IGF2BP3: variants seen among roughly 807,000 people sequenced by gnomAD.
IGF2BP3 encodes insulin like growth factor 2 mRNA binding protein 3.
Under a neutral mutation model 73.8 loss-of-function variants are expected in IGF2BP3, and 9 were observed. The ratio of observed to expected loss-of-function variants is 0.12; its 90% confidence interval spans 0.07 to 0.21. The LOEUF is 0.21. IGF2BP3 is among the 10% of genes least tolerant of loss of function. The pLI, the probability that IGF2BP3 is intolerant of heterozygous loss-of-function variation, is 1.00. For synonymous variants in IGF2BP3, 258 were observed against 256.7 expected (o/e 1.01, Z -0.05); for missense variants, 542 against 714.0 (o/e 0.76, Z 2.75).
chr7:23,402,261 A>G (rs1247197347), intron 3 of IGF2BP3: 1 of 152,214 alleles, frequency 6.6e-6, no homozygotes, highest in Non-Finnish European at 1.5e-5. Flanking sequence ...GTGATCAGCA[A>G]AAGTAACATA....
Position 23,312,383 on chromosome 7 carries a change from T to C in IGF2BP3, c.1719A>G (p.Pro573=). The C allele has an allele frequency of 5.0e-6, 8 of 1,612,804 alleles. No individual in the cohort carries two copies. Among genetic ancestry groups the C allele is most frequent in the Non-Finnish European group, 6.8e-6 (8 of 1,179,726 alleles). Residue 573 remains proline (P), a synonymous_variant, in exon 15 of 15, where the codon CCA becomes CCG. Coordinates refer to ENST00000258729, the MANE Select transcript of IGF2BP3 (RefSeq NM_006547.3). The part of the protein sequence containing the change: ...HQQQKALQSG[P]PQSRRK ...GCCTTTACTTCCGTCTTGACTGAGG[T>C]GGTCCACTTTGCAGAGCCTTCTGTT... is the stretch of plus-strand genomic sequence containing the variant.
intron 6 of IGF2BP3, among the ~76,000 whole-genome samples, chr7:23,351,071 T>A (rs1463407292): frequency 6.6e-6 from 1 of 152,152 alleles, no homozygotes; most frequent in Non-Finnish European, 1.5e-5. Flanking sequence ...TTAGGTATCA[T>A]TTGTTTTCCA....
chr7:23,321,761 G>C (rs1221333579), intron 10 of IGF2BP3, among the ~76,000 whole-genome samples: 1 of 152,174 alleles, frequency 6.6e-6, no homozygotes, highest in Non-Finnish European at 1.5e-5. Flanking sequence ...GTGGGTCCCT[G>C]ACCCCTGACC....
chr7:23,322,348 A>G (rs1367483293), intron 10 of IGF2BP3, among the ~76,000 whole-genome samples: 1 of 152,238 alleles, frequency 6.6e-6, no homozygotes, highest in Non-Finnish European at 1.5e-5. Context: ...GAATGAAATG[A>G]AGCAAGAAGG....
At chr7:23,429,171 G>A (rs931309157) in intron 2 of IGF2BP3, among the ~76,000 whole-genome samples, 1 of 152,000 alleles carries the variant, frequency 6.6e-6, no homozygotes, top group Non-Finnish European at 1.5e-5. Context: ...AAATACACTT[G>A]GAAAGAAAAT....
At chr7:23,398,901 C>T (rs1382815324) in intron 3 of IGF2BP3, among the ~76,000 whole-genome samples, 1 of 152,162 alleles carries the variant, frequency 6.6e-6, no homozygotes, top group Non-Finnish European at 1.5e-5. Context: ...TGTGCAGAAG[C>T]TCTTTAGTTT....
intron 2 of IGF2BP3, among the ~76,000 whole-genome samples, chr7:23,444,108 A>T (rs1788001639): frequency 6.6e-6 from 1 of 152,198 alleles, no homozygotes; most frequent in South Asian, 2.1e-4. Context: ...TGCTATTTAA[A>T]AAGACTGCTC....
chr7:23,342,441 C>A (rs943197300), intron 9 of IGF2BP3, among the ~76,000 whole-genome samples: 7 of 152,190 alleles, frequency 4.6e-5, no homozygotes, highest in African/African-American at 1.7e-4. Flanking sequence ...TCAAGGGAAG[C>A]TTTCCTTTCC....
chr7:23,404,761 G>A (rs984935460), intron 3 of IGF2BP3, among the ~76,000 whole-genome samples: 1 of 151,874 alleles, frequency 6.6e-6, no homozygotes, highest in African/African-American at 2.4e-5. Flanking sequence ...GGCAAGTGGG[G>A]GGTGGGGGTG....
chr7:23,439,554 C>CAAAAA (rs11332929), intron 2 of IGF2BP3, among the ~76,000 whole-genome samples: 6 of 56,584 alleles, frequency 1.1e-4, no homozygotes, highest in Non-Finnish European at 1.7e-4. Context: ...GACTCCGTCT[C>CAAAAA]AAAAAAAAAA....
intron 3 of IGF2BP3, among the ~76,000 whole-genome samples, chr7:23,381,362 T>C (rs966411348): frequency 3.3e-5 from 5 of 152,106 alleles, no homozygotes; most frequent in Non-Finnish European, 7.4e-5. Context: ...GACTCTAAAG[T>C]CAGTGCTCAA....
chr7:23,450,949 A>G (rs1349385196), intron 2 of IGF2BP3, among the ~76,000 whole-genome samples: 1 of 152,162 alleles, frequency 6.6e-6, no homozygotes, highest in Non-Finnish European at 1.5e-5. Flanking sequence ...GAATATCTGT[A>G]ATTATTTATA....
At chr7:23,386,358 A>G (rs1786081280) in intron 3 of IGF2BP3, among the ~76,000 whole-genome samples, 2 of 152,154 alleles carry the variant, frequency 1.3e-5, no homozygotes, top group Admixed American at 6.5e-5. Flanking sequence ...GCAATTCTAC[A>G]AGATAATCCT....
At chr7:23,361,369 T>C in intron 5 of IGF2BP3, 165 bp downstream of exon 5, 1 of 578,146 alleles carries the variant, frequency 1.7e-6, no homozygotes, top group East Asian at 2.9e-5. Context: ...AGATTTTTAC[T>C]AGACATTCAA....
At chr7:23,353,562 T>C (rs1169300810) in intron 5 of IGF2BP3, among the ~76,000 whole-genome samples, 1 of 152,350 alleles carries the variant, frequency 6.6e-6, no homozygotes, top group East Asian at 1.9e-4. Context: ...CTGCAGTACT[T>C]CTACAAATGG....
intron 3 of IGF2BP3, among the ~76,000 whole-genome samples, chr7:23,372,890 A>C (rs544528538): frequency 3.3e-5 from 5 of 152,208 alleles, no homozygotes; most frequent in Non-Finnish European, 7.3e-5. Context: ...ATAGATGGGC[A>C]AGCTGCAGCA....
At chr7:23,465,598 C>T (rs549607385) in intron 2 of IGF2BP3, among the ~76,000 whole-genome samples, 1 of 152,330 alleles carries the variant, frequency 6.6e-6, no homozygotes, top group South Asian at 2.1e-4. Context: ...GGCCTGCTCC[C>T]CTGTTTAGTC....
chr7:23,337,977 C>G (rs982807948), intron 10 of IGF2BP3, among the ~76,000 whole-genome samples: 13 of 152,190 alleles, frequency 8.5e-5, no homozygotes, highest in African/African-American at 3.1e-4. Flanking sequence ...CTTGGATTGT[C>G]TACCCTTGAA....
chr7:23,407,112 C>T (rs1388712483), intron 3 of IGF2BP3, among the ~76,000 whole-genome samples: 1 of 150,448 alleles, frequency 6.6e-6, no homozygotes, highest in Non-Finnish European at 1.5e-5. Context: ...CACTAGAGAC[C>T]CCACAGACAT....
Sources: allele counts gnomAD v4.1 joint callset (sites outside exome capture counted in the v4.1 genomes callset), GRCh38; gene constraint gnomAD v4.1.1; transcripts MANE v1.5; gene names NCBI Gene and HGNC (gene_info 2026-07-23, HGNC 2026-07-21).